VGLL4: variants seen among roughly 807,000 people sequenced by gnomAD.
VGLL4 encodes transcription cofactor vestigial-like protein 4.
Under a neutral mutation model 21.0 loss-of-function variants are expected in VGLL4, and 7 were observed. The observed-to-expected ratio is 0.33, with a 90% CI of 0.19 to 0.63. VGLL4 has a LOEUF of 0.63. Ranked by LOEUF, VGLL4 falls within the 20% of genes least tolerant of loss-of-function variation. The pLI is 0.78. For synonymous variants in VGLL4, 222 were observed against 173.2 expected (o/e 1.28, Z -2.21); for missense variants, 394 against 425.7 (o/e 0.93, Z 0.66).
intron 2 of VGLL4, among the ~76,000 whole-genome samples, chr3:11,684,444 G>C (rs1443016398): frequency 6.6e-6 from 1 of 151,926 alleles, no homozygotes; most frequent in Admixed American, 6.6e-5. Flanking sequence ...GCAATGGCAT[G>C]ATCATGGCTC....
intron 1 of VGLL4, among the ~76,000 whole-genome samples, chr3:11,621,785 C>T (rs73127120): frequency 0.021 from 3,206 of 152,264 alleles, 104 homozygotes; most frequent in African/African-American, 0.072. Context: ...CCACCAGCAA[C>T]GTATGAGGCA....
intron 2 of VGLL4, among the ~76,000 whole-genome samples, chr3:11,596,399 T>C (rs2125254798): frequency 6.6e-6 from 1 of 152,334 alleles, no homozygotes; most frequent in African/African-American, 2.4e-5. Flanking sequence ...CTCTTTTTAG[T>C]TTGTTTTTCA....
chr3:11,617,855 A>C (rs1232318664), intron 1 of VGLL4, among the ~76,000 whole-genome samples: 1 of 152,216 alleles, frequency 6.6e-6, no homozygotes, highest in Non-Finnish European at 1.5e-5. Context: ...AACCTCTCAT[A>C]TTTACATTTC....
At position 11,654,781 on chromosome 3, in the gene VGLL4, C is replaced by A. The variant is rs73128809; in HGVS notation, c.64+48190G>T. Among the ~76,000 whole-genome samples the A allele has an allele frequency of 3.0e-3, 454 of 152,222 alleles. 4 individuals are homozygous for A. The highest frequency in any genetic ancestry group is 9.2e-3 in the African/African-American group (381 of 41,536). On this transcript the variant is annotated intron_variant, in intron 2 of 5. Transcript: ENST00000273038. Reference sequence around the variant, plus strand: ...TAACATGTCCTGGATTAATTACTGGCCTGAAACCCCAGTGAGAGAAGACAG... The same window carrying A: ...TAACATGTCCTGGATTAATTACTGGACTGAAACCCCAGTGAGAGAAGACAG...
intron 3 of VGLL4, among the ~76,000 whole-genome samples, chr3:11,562,404 G>A (rs932632291): frequency 6.6e-6 from 1 of 152,134 alleles, no homozygotes; most frequent in African/African-American, 2.4e-5. Flanking sequence ...ACAGAGGAAG[G>A]CTTCCACCGT....
At chr3:11,606,428 A>T (rs1160210828) in intron 1 of VGLL4, among the ~76,000 whole-genome samples, 1 of 152,204 alleles carries the variant, frequency 6.6e-6, no homozygotes, top group African/African-American at 2.4e-5. Context: ...GACAATACAA[A>T]AGTGTTAGCA....
intron 2 of VGLL4, among the ~76,000 whole-genome samples, chr3:11,575,331 C>A (rs1408857007): frequency 6.6e-6 from 1 of 152,232 alleles, no homozygotes; most frequent in African/African-American, 2.4e-5. Flanking sequence ...GGTTTCCAGT[C>A]ACTGTGCTCT....
chr3:11,570,786 T>G (rs531607441), intron 2 of VGLL4, among the ~76,000 whole-genome samples: 10 of 152,290 alleles, frequency 6.6e-5, no homozygotes, highest in African/African-American at 1.9e-4. Context: ...TCTGTTGTCC[T>G]CCTCACCTCC....
At position 11,556,163 on chromosome 3, in the gene VGLL4, A is replaced by C. The variant is rs2072383878; in HGVS notation, c.*2393T>G. 6.6e-6 allele frequency: 1 copy of C among 152,640 alleles called. No individual in the cohort carries two copies. Among genetic ancestry groups the C allele is most frequent in the Non-Finnish European group, 1.5e-5 (1 of 68,026 alleles). The allele number at this position is 152,640 out of a possible 1,614,324, so 9.5% of individuals were successfully genotyped here. ...CTTTTTTTTTCTTCTTCCAGGAAAA[A>C]CAGGCCACAGAGAATGGTATATTAC... On this transcript the variant is annotated 3_prime_UTR_variant, in exon 5 of 5. Transcript: ENST00000430365.
intron 2 of VGLL4, among the ~76,000 whole-genome samples, chr3:11,692,011 C>G (rs1417859798): frequency 6.8e-6 from 1 of 146,994 alleles, no homozygotes; most frequent in Non-Finnish European, 1.5e-5. Context: ...AGAACTACTT[C>G]ATCCAAAAAT....
chr3:11,646,634 T>G (rs1390815847), upstream of VGLL4, among the ~76,000 whole-genome samples: 2 of 152,180 alleles, frequency 1.3e-5, no homozygotes, highest in Non-Finnish European at 2.9e-5. Context: ...TAATAGTAAT[T>G]TAAGCAAATG....
intron 2 of VGLL4, among the ~76,000 whole-genome samples, chr3:11,700,078 C>T (rs536829912): frequency 8.5e-5 from 13 of 152,278 alleles, no homozygotes; most frequent in African/African-American, 2.6e-4. Context: ...CAGCCATAAG[C>T]GTCTGCACAC....
At chr3:11,560,045 C>T (rs1287525910) in intron 3 of VGLL4, among the ~76,000 whole-genome samples, 1 of 152,060 alleles carries the variant, frequency 6.6e-6, no homozygotes, top group East Asian at 1.9e-4. Flanking sequence ...CACAGCCTCA[C>T]TCTCTCCTTC....
At chr3:11,641,822 T>A (rs371061149) in intron 1 of VGLL4, among the ~76,000 whole-genome samples, 2 of 152,112 alleles carry the variant, frequency 1.3e-5, no homozygotes, top group Non-Finnish European at 2.9e-5. Context: ...CAACTCGACC[T>A]GGGCTCGCTG....
intron 1 of VGLL4, among the ~76,000 whole-genome samples, chr3:11,704,456 G>A (rs2076731359): frequency 6.7e-6 from 1 of 149,590 alleles, no homozygotes; most frequent in Admixed American, 6.7e-5. Context: ...CATGCAATAT[G>A]ACTTCATTCA....
At chr3:11,613,311 G>C (rs774653829) in intron 1 of VGLL4, among the ~76,000 whole-genome samples, 1 of 152,202 alleles carries the variant, frequency 6.6e-6, no homozygotes, top group African/African-American at 2.4e-5. Context: ...GGGAGTTCCA[G>C]AGGGTACGAC....
At chr3:11,596,325 A>G (rs771936548) in intron 2 of VGLL4, among the ~76,000 whole-genome samples, 8 of 152,244 alleles carry the variant, frequency 5.3e-5, no homozygotes, top group Non-Finnish European at 1.2e-4. Flanking sequence ...TAACTCTTCA[A>G]ATTCATCCTG....
chr3:11,560,353 C>A (rs2072872866), intron 3 of VGLL4, among the ~76,000 whole-genome samples: 1 of 152,218 alleles, frequency 6.6e-6, no homozygotes, highest in Non-Finnish European at 1.5e-5. Flanking sequence ...TTCCAATACC[C>A]CCGAGGACAA....
At chr3:11,562,681 A>T (rs896442421) in intron 3 of VGLL4, among the ~76,000 whole-genome samples, 1 of 152,218 alleles carries the variant, frequency 6.6e-6, no homozygotes, top group African/African-American at 2.4e-5. Flanking sequence ...AGCCCCACGA[A>T]TGGTTACGAC....
Sources: allele counts gnomAD v4.1 joint callset (sites outside exome capture counted in the v4.1 genomes callset), GRCh38; gene constraint gnomAD v4.1.1; transcripts MANE v1.5; gene names NCBI Gene and HGNC (gene_info 2026-07-23, HGNC 2026-07-21).